Variants in PPL observed in about 807,000 individuals in gnomAD.
The protein encoded by PPL is 190 kDa paraneoplastic pemphigus antigen.
A neutral mutation model predicts 194.4 loss-of-function variants in PPL; 198 were observed. That is an observed-to-expected ratio of 1.02 (90% CI 0.91 to 1.15). The LOEUF is 1.15. PPL is among the 50% of genes most tolerant of loss of function. The pLI is 0.00. For synonymous variants in PPL, 1,220 were observed against 972.4 expected (o/e 1.25, Z -4.74); for missense variants, 2,885 against 2,294.8 (o/e 1.26, Z -5.25).
chr16:4,933,413 C>T (rs549052022), intron 1 of PPL, among the ~76,000 whole-genome samples: 4 of 152,240 alleles, frequency 2.6e-5, no homozygotes, highest in African/African-American at 4.8e-5. Flanking sequence ...AATTCAGAAG[C>T]GCTGGGGCTC....
At chr16:4,905,900 T>G (rs1412938749) in intron 2 of PPL, among the ~76,000 whole-genome samples, 1 of 151,946 alleles carries the variant, frequency 6.6e-6, no homozygotes, top group East Asian at 1.9e-4. Flanking sequence ...AGCCCAGGAG[T>G]GCAAGACCAG....
In PPL at chr16:4,884,604, C is replaced by A. The variant is rs756764681; in HGVS notation, c.4051G>T (p.Val1351Leu). 1.9e-6 allele frequency: 3 copies of A among 1,614,178 alleles called. No individual in the cohort carries two copies. The highest frequency in any genetic ancestry group is 2.2e-5 in the South Asian group (2 of 91,084). The change falls in exon 22 of 22, where the codon GTG becomes TTG. Residue 1351 changes from valine to leucine, a missense_variant. Val to Leu is a conservative substitution (Grantham distance 32, BLOSUM62 1). Transcript: ENST00000345988. The surrounding 1 kb of genome is among the most constrained non-coding windows in gnomAD (Gnocchi z 5.7). ...EELSRVKERVVQQEVVRYEEE... is the reference protein window; with the variant it reads ...EELSRVKERVLQQEVVRYEEE... ...TCATACCTGACCACCTCCTGCTGCA[C>A]CACCCTTTCCTTCACCCGCGAGAGC... is the stretch of plus-strand genomic sequence containing the variant.
At chr16:4,915,004 A>T (rs2088891374) in intron 1 of PPL, among the ~76,000 whole-genome samples, 1 of 151,808 alleles carries the variant, frequency 6.6e-6, no homozygotes. Flanking sequence ...TTAACCCCTG[A>T]CTCTGCAGTG....
chr16:4,885,192 G>A lies in PPL; in HGVS notation c.3463C>T (p.Leu1155Phe). 2 of 1,614,040 alleles carry A rather than the reference G, an allele frequency of 1.2e-6. No individual in the cohort carries two copies. The highest frequency in any genetic ancestry group is 4.5e-5 in the East Asian group (2 of 44,850). Reference sequence around the variant, plus strand: ...TCCTCCAAGGCCCATATCTTTCGGAGCAGCTCCGTCTTCTCCCTCTGGCTA... The same window carrying A: ...TCCTCCAAGGCCCATATCTTTCGGAACAGCTCCGTCTTCTCCCTCTGGCTA... ...RASQREKTEL[L>F]RKIWALEEEN... is the part of the protein sequence containing the mutation. The change falls in exon 22 of 22, where the codon CTC (leucine) becomes TTC (phenylalanine). Residue 1155 changes from leucine to phenylalanine, a missense_variant. By Grantham distance (22) the Leu-to-Phe change is conservative. Transcript: ENST00000345988. This position sits in a 1 kb window ranked among gnomAD's most constrained non-coding sequence, Gnocchi z 6.3.
At chr16:4,934,882 G>A (rs988534666) in intron 1 of PPL, among the ~76,000 whole-genome samples, 1 of 152,202 alleles carries the variant, frequency 6.6e-6, no homozygotes, top group African/African-American at 2.4e-5. Flanking sequence ...AAGGGGAGGG[G>A]GCAGAGGGAT....
In PPL at chr16:4,889,959, G is replaced by C. The variant is rs2088288588; in HGVS notation, c.2313+225C>G. Among the ~76,000 whole-genome samples, 6 of 152,220 alleles carry C rather than the reference G, an allele frequency of 3.9e-5. No homozygotes were observed. The South Asian group carries it at 1.2e-3, about 32-fold the overall frequency. ...ACGCCAAGTGTCCATTCTGCACCAG[G>C]CCCTGTGCGGGGCACTGAGCTGGGA... On this transcript the variant is annotated intron_variant, in intron 18 of 21. Coordinates refer to ENST00000345988, the MANE Select transcript of PPL (RefSeq NM_002705.5).
chr16:4,897,553 T>C (rs1460929317), intron 9 of PPL, 122 bp downstream of exon 9: 4 of 704,372 alleles, frequency 5.7e-6, no homozygotes, highest in Non-Finnish European at 9.6e-6. Flanking sequence ...GGGCCTGGGA[T>C]GGCTGCCCCG....
In PPL at chr16:4,904,201, T is replaced by A. The variant is rs532222237; in HGVS notation, c.163-161A>T. ...ATATGGAGCGCAGTCGGTAGTTCCATCTCTTTGCTGCTACGTGGTATTTCT... is the reference window on the plus strand; with the variant it reads ...ATATGGAGCGCAGTCGGTAGTTCCAACTCTTTGCTGCTACGTGGTATTTCT... On this transcript the variant is annotated intron_variant, in intron 2 of 21. Coordinates refer to ENST00000345988, the MANE Select transcript of PPL (RefSeq NM_002705.5). 3.9e-5 allele frequency among the ~76,000 whole-genome samples: 6 copies of A among 152,340 alleles called. No individual in the cohort carries two copies. The South Asian group carries it at 1.2e-3, about 32-fold the overall frequency.
rs1567998715 is a variant in PPL, at chr16:4,892,188, A to G, written c.1676T>C (p.Ile559Thr). The change falls in exon 15 of 22, where the codon ATT (isoleucine) becomes ACT (threonine). Residue 559 changes from isoleucine to threonine, a missense_variant. Transcript: ENST00000345988. ...CGTGCTCCGCGTCTTCTCAGGTTCA[A>G]TCCGCAGTAGCTCGTTGGTGATGTT... ...LKNITNELLR[I>T]EPEKTRSTAE... 1 of 1,613,286 alleles carries G rather than the reference A, an allele frequency of 6.2e-7. No homozygotes were observed.
chr16:4,929,243 G>C (rs2089198263), intron 1 of PPL, among the ~76,000 whole-genome samples: 1 of 152,060 alleles, frequency 6.6e-6, no homozygotes, highest in Non-Finnish European at 1.5e-5. Flanking sequence ...TCCTTGCAGA[G>C]ACTCTCCATT....
chr16:4,895,839 G>A lies in PPL; in HGVS notation c.973-123C>T, dbSNP rs949438463. The A allele has an allele frequency of 8.0e-6, 11 of 1,367,582 alleles. No homozygotes were observed. In the Admixed American group the frequency reaches 1.8e-4, roughly 23 times the overall value. The allele number at this position is 1,367,582 out of a possible 1,614,324, so 84.7% of individuals were successfully genotyped here. A position where few individuals can be genotyped will look rare whatever the true frequency, so the allele number is the denominator to read the frequency against. The stretch of plus-strand genomic sequence containing the variant: ...CTCCGGTTCACCTGGAGTCCAGCAT[G>A]GGACCCTGTGCTGAGCCTGAGGCTC... On this transcript the variant is annotated intron_variant, in intron 9 of 21. Transcript: ENST00000345988.
chr16:4,923,978 C>A (rs1433312841), intron 1 of PPL, among the ~76,000 whole-genome samples: 1 of 152,182 alleles, frequency 6.6e-6, no homozygotes, highest in African/African-American at 2.4e-5. Flanking sequence ...TGTATTACTC[C>A]ACCTGTCTCA....
At chr16:4,886,342 G>T (rs74003539) in intron 21 of PPL, among the ~76,000 whole-genome samples, 1 of 152,190 alleles carries the variant, frequency 6.6e-6, no homozygotes, top group African/African-American at 2.4e-5. Flanking sequence ...GATGCTATCT[G>T]TGCTCACACA....
chr16:4,926,125 A>T (rs1185491320), intron 1 of PPL, among the ~76,000 whole-genome samples: 1 of 152,146 alleles, frequency 6.6e-6, no homozygotes, highest in Non-Finnish European at 1.5e-5. Context: ...AGCAGGTTTC[A>T]TCTCTGATCC....
Position 4,888,034 on chromosome 16 carries a change from G to C in PPL, c.2514+68C>G. On this transcript the variant is annotated intron_variant, in intron 20 of 21. Coordinates refer to ENST00000345988, the MANE Select transcript of PPL (RefSeq NM_002705.5). ...CTCTGAGGCCAGCGTGTGACACCAT[G>C]CTCCCTGGGGAGCAGGGCAGCTTGG... is the stretch of plus-strand genomic sequence containing the variant. 3 of 1,141,486 alleles carry C rather than the reference G, an allele frequency of 2.6e-6. No homozygotes were observed. In the South Asian group the frequency reaches 3.7e-5, roughly 14 times the overall value. The allele number at this position is 1,141,486 out of a possible 1,614,324, so 70.7% of individuals were successfully genotyped here.
chr16:4,883,367 A>G lies in PPL; in HGVS notation c.*17T>C. On this transcript the variant is annotated 3_prime_UTR_variant, in exon 22 of 22. Coordinates refer to ENST00000345988, the MANE Select transcript of PPL (RefSeq NM_002705.5). This position sits in a 1 kb window ranked among gnomAD's most constrained non-coding sequence, Gnocchi z 4.8. ...AGGGCCAGCGTCTGCCGTTACGAAG[A>G]GTTGCAAGAGCTGTGCCTACTTCTG... The G allele has an allele frequency of 6.2e-7, 1 of 1,613,300 alleles. No homozygotes were observed. The highest frequency in any genetic ancestry group is 8.5e-7 in the Non-Finnish European group (1 of 1,179,908).
chr16:4,909,945 C>T (rs575220355), intron 2 of PPL, among the ~76,000 whole-genome samples: 2 of 152,336 alleles, frequency 1.3e-5, no homozygotes, highest in South Asian at 2.1e-4. Flanking sequence ...GGTAACTCCA[C>T]CTGCAGGCCG....
In PPL at chr16:4,883,954, T is replaced by C; in HGVS notation, c.4701A>G (p.Lys1567=). The C allele has an allele frequency of 6.2e-7, 1 of 1,614,084 alleles. No homozygotes were observed. The highest frequency in any genetic ancestry group is 8.5e-7 in the Non-Finnish European group (1 of 1,180,012). Residue 1567 remains lysine, a synonymous_variant, in exon 22 of 22, where the codon AAA becomes AAG. Coordinates refer to ENST00000345988, the MANE Select transcript of PPL (RefSeq NM_002705.5). This position sits in a 1 kb window ranked among gnomAD's most constrained non-coding sequence, Gnocchi z 4.8. ...GCAGGTTTTGCCTCTCCAGCTGTAA[T>C]TTGTGGTTCTCTTCCCTCAGAAAGT... ...ELDFLREENH[K]LQLERQNLQL... is the part of the protein sequence containing the mutation.
rs758613261 is a variant in PPL, at chr16:4,885,208, C to T, written c.3447G>A (p.Arg1149=). The T allele has an allele frequency of 1.4e-5, 22 of 1,613,970 alleles. No homozygotes were observed. In the East Asian group the frequency reaches 3.1e-4, roughly 23 times the overall value. Residue 1149 remains arginine (R), a synonymous_variant, in exon 22 of 22, where the codon AGG becomes AGA. Transcript: ENST00000345988. The surrounding 1 kb of genome is among the most constrained non-coding windows in gnomAD (Gnocchi z 6.3). ...TCTTTCGGAGCAGCTCCGTCTTCTCCCTCTGGCTAGCGCGAGCCTTGGCAG... is the reference window on the plus strand; with the variant it reads ...TCTTTCGGAGCAGCTCCGTCTTCTCTCTCTGGCTAGCGCGAGCCTTGGCAG... The part of the protein sequence containing the change: ...DEAAKARASQ[R]EKTELLRKIW...
Sources: gnomAD v4.1 joint callset for allele counts (sites outside exome capture counted in the v4.1 genomes callset) on GRCh38, gnomAD v4.1.1 for gene constraint, Gnocchi (gnomAD v3.1) non-coding constraint, MANE v1.5 for transcripts, NCBI Gene and HGNC (gene_info 2026-07-23, HGNC 2026-07-21) for gene names.